Variants in DGKG observed in about 807,000 individuals in gnomAD.
DGKG encodes diacylglycerol kinase gamma, also known as DAG kinase gamma.
Under a neutral mutation model 105.3 loss-of-function variants are expected in DGKG, and 78 were observed. The observed-to-expected ratio is 0.74, with a 90% CI of 0.62 to 0.89. The LOEUF (loss-of-function observed/expected upper bound fraction) is 0.89, where lower values mean the gene tolerates loss of function less well. Among genes scored for constraint, DGKG ranks in the 40% least tolerant of loss-of-function variants. DGKG has a pLI of 0.00. For missense variants in DGKG, 958 were observed against 1,020.1 expected (o/e 0.94, Z 0.83); for synonymous variants, 346 against 367.1 (o/e 0.94, Z 0.66).
chr3:186,265,698 C>T (rs537088558), intron 13 of DGKG, among the ~76,000 whole-genome samples: 16 of 119,350 alleles, frequency 1.3e-4, no homozygotes, highest in African/African-American at 4.5e-4. Context: ...GAGTCTCGCT[C>T]TATTGCCAGG....
Position 186,152,961 on chromosome 3 carries a change from C to CT in DGKG, c.2278-2774dup, listed in dbSNP as rs10579014. 1.0e-2 allele frequency among the ~76,000 whole-genome samples: 1,240 copies of CT among 124,486 alleles called. 14 individuals carry two copies. The highest frequency in any genetic ancestry group is 0.018 in the African/African-American group (637 of 34,596). 81.7% of individuals were successfully genotyped at this position (124,486 alleles called of 152,430 possible). A position where few individuals can be genotyped will look rare whatever the true frequency, so the allele number is the denominator to read the frequency against. On this transcript the variant is annotated intron_variant, in intron 24 of 24. Coordinates refer to ENST00000265022, the MANE Select transcript of DGKG (RefSeq NM_001346.3). ...ACAGGCACCAGCTGCCGCGCCCGGC[C>CT]TTTTTTTTTTTTTTTTTTTTATTTA...
intron 5 of DGKG, among the ~76,000 whole-genome samples, chr3:186,294,077 A>G (rs899736186): frequency 2.0e-5 from 3 of 152,230 alleles, no homozygotes; most frequent in Non-Finnish European, 4.4e-5. Context: ...ACATGACAAA[A>G]TCACTTCTCC....
At position 186,328,588 on chromosome 3, in the gene DGKG, T is replaced by TC. The variant is rs1725457217; in HGVS notation, c.-248-7882_-248-7881insG. ...GGCTACACCATTCTTTTTTTTTTTT[T>TC]TTCTTGAGATGGAGTTTTGCTCTGC... On this transcript the variant is annotated intron_variant, in intron 1 of 24. Coordinates refer to ENST00000265022, the MANE Select transcript of DGKG (RefSeq NM_001346.3). Among the ~76,000 whole-genome samples, 3 of 151,836 alleles carry TC rather than the reference T, an allele frequency of 2.0e-5. No individual in the cohort carries two copies. In the South Asian group the frequency reaches 6.2e-4, roughly 32 times the overall value.
chr3:186,198,026 G>A (rs1266687211), intron 21 of DGKG, among the ~76,000 whole-genome samples: 4 of 152,166 alleles, frequency 2.6e-5, no homozygotes, highest in East Asian at 1.9e-4. Context: ...CATAGAAGGC[G>A]GGGACCATAT....
chr3:186,175,494 G>T (rs1435119710), intron 22 of DGKG, among the ~76,000 whole-genome samples: 3 of 152,206 alleles, frequency 2.0e-5, no homozygotes, highest in Non-Finnish European at 4.4e-5. Context: ...GTGCATGAGG[G>T]TCAGGTGCTT....
chr3:186,273,610 T>C lies in DGKG; in HGVS notation c.911-1267A>G, dbSNP rs530737471. Among the ~76,000 whole-genome samples, 5 of 152,198 alleles carry C rather than the reference T, an allele frequency of 3.3e-5. No homozygotes were observed. The East Asian group carries it at 5.8e-4, about 18-fold the overall frequency. On this transcript the variant is annotated intron_variant, in intron 10 of 24. Coordinates refer to ENST00000265022, the MANE Select transcript of DGKG (RefSeq NM_001346.3). ...AGATGATCTTGGTCTCCTGACCTCG[T>C]GATCCACCCGTCTTGGCCTCCCAAA...
At chr3:186,297,299 C>G in intron 5 of DGKG, 122 bp downstream of exon 5, 2 of 745,928 alleles carry the variant, frequency 2.7e-6, no homozygotes, top group Non-Finnish European at 4.7e-6. Context: ...CACAGGAGGA[C>G]CAGATCTGCA....
intron 1 of DGKG, among the ~76,000 whole-genome samples, chr3:186,348,359 G>C (rs1276698673): frequency 2.2e-5 from 3 of 134,718 alleles, no homozygotes; most frequent in African/African-American, 5.6e-5. Context: ...TGGCCTACTT[G>C]CTGGGTGCTT....
At chr3:186,256,737 C>T (rs1015959105) in intron 17 of DGKG, among the ~76,000 whole-genome samples, 2 of 152,240 alleles carry the variant, frequency 1.3e-5, no homozygotes, top group African/African-American at 4.8e-5. Flanking sequence ...CCTCCAGCAG[C>T]CTGGCCTGCT....
chr3:186,308,454 T>C (rs1724361810), intron 2 of DGKG, among the ~76,000 whole-genome samples: 2 of 152,122 alleles, frequency 1.3e-5, no homozygotes, highest in Admixed American at 1.3e-4. Flanking sequence ...AGGACGATGT[T>C]ATTAAAAGCT....
At chr3:186,249,851 A>ACAAAG (rs1381609790) in intron 19 of DGKG, among the ~76,000 whole-genome samples, 1 of 152,036 alleles carries the variant, frequency 6.6e-6, no homozygotes, top group Admixed American at 6.6e-5. Context: ...ACAAAACAAA[A>ACAAAG]CAAAACAACA....
chr3:186,306,690 G>A, intron 3 of DGKG: 1 of 515,232 alleles, frequency 1.9e-6, no homozygotes, highest in Non-Finnish European at 3.4e-6. Flanking sequence ...CAGAGGAGAA[G>A]TAGTGGTAGT....
chr3:186,270,756 G>A (rs780777160), intron 11 of DGKG, among the ~76,000 whole-genome samples: 23 of 152,236 alleles, frequency 1.5e-4, no homozygotes, highest in Non-Finnish European at 2.6e-4. Flanking sequence ...CTGACCCCAA[G>A]TCCAGGGCTG....
chr3:186,318,557 A>G (rs1237816322), intron 2 of DGKG, among the ~76,000 whole-genome samples: 4 of 152,174 alleles, frequency 2.6e-5, no homozygotes, highest in Non-Finnish European at 5.9e-5. Flanking sequence ...AGATGTAATT[A>G]GTTAAGATGA....
chr3:186,357,703 T>C (rs548794728), intron 1 of DGKG, among the ~76,000 whole-genome samples: 1 of 152,336 alleles, frequency 6.6e-6, no homozygotes, highest in East Asian at 1.9e-4. Flanking sequence ...CCCTCCTTTA[T>C]CTTTCTCTCC....
At chr3:186,215,377 C>T (rs1719228215) in intron 20 of DGKG, among the ~76,000 whole-genome samples, 1 of 146,744 alleles carries the variant, frequency 6.8e-6, no homozygotes, top group Admixed American at 6.9e-5. Flanking sequence ...CACCACTGCA[C>T]TCCAGCCTGG....
Position 186,149,267 on chromosome 3 carries a change from TTA to T in DGKG, c.*821_*822del, listed in dbSNP as rs1715644591. On this transcript the variant is annotated 3_prime_UTR_variant, in exon 25 of 25. Coordinates refer to ENST00000265022, the MANE Select transcript of DGKG (RefSeq NM_001346.3). ...TTTTTCCTTCCCTTTTTACACAATA[TTA>T]TGACACCAATTTGAAAAATAAATCC... The T allele has an allele frequency of 1.0e-6, 1 of 984,940 alleles. No homozygotes were observed. Among genetic ancestry groups the T allele is most frequent in the Non-Finnish European group, 1.2e-6 (1 of 829,834 alleles). 61.0% of individuals were successfully genotyped at this position (984,940 alleles called of 1,614,324 possible). A position where few individuals can be genotyped will look rare whatever the true frequency, so the allele number is the denominator to read the frequency against.
chr3:186,265,494 G>T (rs1317067665), intron 13 of DGKG, among the ~76,000 whole-genome samples, 188 bp from the exon 14 acceptor site: 1 of 152,084 alleles, frequency 6.6e-6, no homozygotes, highest in Non-Finnish European at 1.5e-5. Flanking sequence ...CTTTTTCTAG[G>T]ATTCTTCAGG....
chr3:186,251,784 A>C lies in DGKG; in HGVS notation c.1736T>G (p.Met579Arg), dbSNP rs752487797. 6.2e-6 allele frequency: 10 copies of C among 1,614,218 alleles called. No individual in the cohort carries two copies. Among genetic ancestry groups the C allele is most frequent in the Admixed American group, 1.7e-5 (1 of 60,030 alleles). Residue 579 changes from methionine to arginine, a missense_variant, in exon 19 of 25, where the codon ATG becomes AGG. This residue lies in a region of DGKG where 315 missense variants were observed against 400.6 expected (regional missense o/e 0.79). Coordinates refer to ENST00000265022, the MANE Select transcript of DGKG (RefSeq NM_001346.3). ...ENGDQVPYSI[M>R]NNYFSIGVDA... ...CACACCAATGGAGAAATAGTTGTTC[A>C]TGATGCTGTATGGGACCTGGTCCCC...
Sources: allele counts gnomAD v4.1 joint callset (sites outside exome capture counted in the v4.1 genomes callset), GRCh38; gene constraint gnomAD v4.1.1; regional missense constraint gnomAD v4.1.1; transcripts MANE v1.5; gene names NCBI Gene and HGNC (gene_info 2026-07-23, HGNC 2026-07-21).